The following POLH variants were observed in gnomAD, a reference collection of about 807,000 sequenced individuals.
The protein encoded by POLH is DNA polymerase eta transcript.
A neutral mutation model predicts 73.6 loss-of-function variants in POLH; 53 were observed. The ratio of observed to expected loss-of-function variants is 0.72; its 90% CI spans 0.58 to 0.91. The LOEUF is 0.91. Among genes scored for constraint, POLH ranks in the 40% least tolerant of loss-of-function variants. The probability of loss-of-function intolerance (pLI) is 0.00; values close to 1 mark genes in which losing one functional copy is unlikely to be tolerated. For missense variants in POLH, 768 were observed against 865.4 expected, an observed-to-expected ratio of 0.89 and a Z score of 1.41; for synonymous variants, 292 against 308.5, an observed-to-expected ratio of 0.95 and a Z score of 0.56.
chr6:43,587,287 T>C lies in POLH; in HGVS notation c.288T>C (p.Ser96=), dbSNP rs778917660. Residue 96 remains serine (S), a synonymous_variant, in exon 4 of 11, where the codon AGT becomes AGC. Coordinates refer to ENST00000372236, the MANE Select transcript of POLH (RefSeq NM_006502.3). ...KANLTKYREA[S]VEVMEIMSRF... Reference sequence around the variant, plus strand: ...TACTTCTTAGGTACCGGGAAGCCAGTGTTGAAGTGATGGAGATAATGTCTC... The same window carrying C: ...TACTTCTTAGGTACCGGGAAGCCAGCGTTGAAGTGATGGAGATAATGTCTC... 3.3e-5 allele frequency: 53 copies of C among 1,613,658 alleles called. No individual in the cohort carries two copies. Among genetic ancestry groups the C allele is most frequent in the Non-Finnish European group, 4.1e-5 (48 of 1,179,686 alleles).
At chr6:43,600,171 A>AT (rs1177250856) in intron 5 of POLH, among the ~76,000 whole-genome samples, 3 of 151,768 alleles carry the variant, frequency 2.0e-5, no homozygotes, top group Non-Finnish European at 4.4e-5. Flanking sequence ...AAAAAAAAAA[A>AT]GAAAAAGAGT....
At chr6:43,612,458 T>G (rs1286922689) in intron 10 of POLH, among the ~76,000 whole-genome samples, 1 of 151,372 alleles carries the variant, frequency 6.6e-6, no homozygotes, top group Admixed American at 6.6e-5. Context: ...GCGATTCTCC[T>G]GCCTCAGCCT....
intron 9 of POLH, among the ~76,000 whole-genome samples, chr6:43,606,100 A>G (rs1767254444): frequency 6.6e-6 from 1 of 152,132 alleles, no homozygotes. Flanking sequence ...ACATATAGTA[A>G]AATGGTTACT....
In POLH at chr6:43,615,831, C is replaced by T. The variant is rs1470780307; in HGVS notation, c.*1274C>T. 6.6e-6 allele frequency among the ~76,000 whole-genome samples: 1 copy of T among 151,734 alleles called. No individual in the cohort carries two copies. Among genetic ancestry groups the T allele is most frequent in the Non-Finnish European group, 1.5e-5 (1 of 67,928 alleles). ...GGGACTACAGGCACGTGCTACCACA[C>T]TCAGCTAATTTTTGTATTTTTAATA... On this transcript the variant is annotated 3_prime_UTR_variant, in exon 11 of 11. Coordinates refer to ENST00000372236, the MANE Select transcript of POLH (RefSeq NM_006502.3).
At chr6:43,578,071 ACT>A (rs1025289225) in intron 1 of POLH, among the ~76,000 whole-genome samples, 4 of 144,730 alleles carry the variant, frequency 2.8e-5, no homozygotes, top group African/African-American at 1.0e-4. Flanking sequence ...ACAGACGGAG[ACT>A]CTGTCTAGGA....
chr6:43,598,093 TA>T lies in POLH; in HGVS notation c.660+229del, dbSNP rs1173076865. On this transcript the variant is annotated intron_variant, in intron 5 of 10. Coordinates refer to ENST00000372236, the MANE Select transcript of POLH (RefSeq NM_006502.3). ...GGTGGTGTACACCTACAGTCCCAGC[TA>T]CTCAGGAGGCTGAGATGGGAGGATC... Among the ~76,000 whole-genome samples, 3 of 150,918 alleles carry T rather than the reference TA, an allele frequency of 2.0e-5. No homozygotes were observed. The Admixed American group carries it at 2.0e-4, about 10-fold the overall frequency.
intron 4 of POLH, among the ~76,000 whole-genome samples, chr6:43,594,221 G>A (rs955897748): frequency 8.5e-5 from 13 of 152,150 alleles, no homozygotes; most frequent in African/African-American, 3.1e-4. Context: ...GTTTAAAAAG[G>A]TCCAGAAAGT....
At chr6:43,580,073 T>G (rs1763847724) in intron 1 of POLH, among the ~76,000 whole-genome samples, 3 of 149,344 alleles carry the variant, frequency 2.0e-5, no homozygotes, top group Admixed American at 1.3e-4. Flanking sequence ...GCAGTGTTTG[T>G]GTCCCTGATT....
rs138298839 is a variant in POLH at position 43,587,354 on chromosome 6, G to A, written c.355G>A (p.Val119Ile). ...ACGTGCCAGCATTGATGAGGCTTAC[G>A]TAGATCTGACCAGTGCTGTACAAGA... is the stretch of plus-strand genomic sequence containing the variant. ...IERASIDEAY[V>I]DLTSAVQERL... Residue 119 changes from valine (V) to isoleucine (I), a missense_variant, in exon 4 of 11, where the codon GTA becomes ATA. Physicochemically the swap from Val to Ile is conservative, Grantham distance 29. Transcript: ENST00000372236. 10 of 1,613,948 alleles carry A rather than the reference G, an allele frequency of 6.2e-6. No individual in the cohort carries two copies. The Admixed American group carries it at 6.7e-5, about 11-fold the overall frequency.
At chr6:43,605,997 T>TACAG (rs1767244774) in intron 9 of POLH, among the ~76,000 whole-genome samples, 1 of 152,178 alleles carries the variant, frequency 6.6e-6, no homozygotes, top group African/African-American at 2.4e-5. Context: ...GTGTTGGGAT[T>TACAG]ACAGACATAA....
chr6:43,599,254 G>T (rs1582300431), intron 5 of POLH, among the ~76,000 whole-genome samples: 1 of 152,016 alleles, frequency 6.6e-6, no homozygotes, highest in Admixed American at 6.6e-5. Flanking sequence ...CTCCCAAAGT[G>T]CTGGGATTAC....
At chr6:43,605,204 A>G (rs755531601) in intron 8 of POLH, 50 bp from the exon 9 acceptor site, 3 of 1,065,176 alleles carry the variant, frequency 2.8e-6, no homozygotes, top group Non-Finnish European at 4.4e-6. Flanking sequence ...CTAGTTCTTA[A>G]TAGACTTCGA....
chr6:43,577,426 GA>G (rs1763489204), intron 1 of POLH, among the ~76,000 whole-genome samples: 1 of 152,148 alleles, frequency 6.6e-6, no homozygotes, highest in Non-Finnish European at 1.5e-5. Context: ...CAGTACTACT[GA>G]AAAGCCACTT....
chr6:43,580,246 G>C (rs1316302930), intron 1 of POLH, among the ~76,000 whole-genome samples: 2 of 139,360 alleles, frequency 1.4e-5, no homozygotes, highest in African/African-American at 5.5e-5. Flanking sequence ...AGATCAACAG[G>C]ATCCCAAGGC....
intron 9 of POLH, among the ~76,000 whole-genome samples, chr6:43,608,405 C>A (rs1377231039): frequency 4.6e-5 from 7 of 152,172 alleles, no homozygotes; most frequent in African/African-American, 1.4e-4. Context: ...AATGTTTGTT[C>A]CTTTGGTAGG....
rs1554139792 is a variant in POLH, at chr6:43,593,896, A to AAG, written c.491-3799_491-3798insGA. On this transcript the variant is annotated intron_variant, in intron 4 of 10. Coordinates refer to ENST00000372236, the MANE Select transcript of POLH (RefSeq NM_006502.3). ...TCCGTCTCAAAAAAAAAAAAAAAAA[A>AAG]AAAGAAAGAAAGAAAAGTTTTTTCT... Among the ~76,000 whole-genome samples, 13 of 146,092 alleles carry AAG rather than the reference A, an allele frequency of 8.9e-5. No individual in the cohort carries two copies. The Admixed American group carries it at 9.1e-4, about 10-fold the overall frequency.
In POLH at chr6:43,602,995, CTTTTTTTT is replaced by C. The variant is rs59306548; in HGVS notation, c.765-881_765-874del. Among the ~76,000 whole-genome samples the C allele has an allele frequency of 4.4e-5, 5 of 114,030 alleles. No individual in the cohort carries two copies. In the South Asian group the frequency reaches 8.3e-4, roughly 19 times the overall value. 74.8% of individuals were successfully genotyped at this position (114,030 alleles called of 152,430 possible). Reference sequence around the variant, plus strand: ...CTGTTTATATTTAGGTTATGTATTCCTTTTTTTTTTTTTTTTTTTTTTTGAAACAGAGT... The same window carrying C: ...CTGTTTATATTTAGGTTATGTATTCCTTTTTTTTTTTTTTTGAAACAGAGT... On this transcript the variant is annotated intron_variant, in intron 6 of 10. Transcript: ENST00000372236.
intron 3 of POLH, 79 bp from the exon 4 acceptor site, chr6:43,587,192 AT>A: frequency 1.0e-6 from 1 of 1,001,666 alleles, no homozygotes; most frequent in Non-Finnish European, 1.6e-6. Flanking sequence ...ATTGTTCATT[AT>A]GGCAGGGTGG....
At chr6:43,592,599 T>C (rs1260377273) in intron 4 of POLH, among the ~76,000 whole-genome samples, 1 of 152,024 alleles carries the variant, frequency 6.6e-6, no homozygotes, top group Non-Finnish European at 1.5e-5. Context: ...TTTTTTTTAG[T>C]AGAGACGGGG....
Sources: gnomAD v4.1 joint callset for allele counts (sites outside exome capture counted in the v4.1 genomes callset) on GRCh38, gnomAD v4.1.1 for gene constraint, MANE v1.5 for transcripts, NCBI Gene and HGNC (gene_info 2026-07-23, HGNC 2026-07-21) for gene names.